PAX8: variants seen among roughly 807,000 people sequenced by gnomAD.
PAX8 encodes the protein paired box 8.
In PAX8, 15 loss-of-function variants were observed where a neutral mutation model predicts 52.4. The ratio of observed to expected loss-of-function variants is 0.29; its 90% CI spans 0.19 to 0.44. The LOEUF (loss-of-function observed/expected upper bound fraction) is 0.44, where lower values mean the gene tolerates loss of function less well. Among genes scored for constraint, PAX8 ranks in the 20% least tolerant of loss-of-function variants. PAX8 has a pLI of 1.00. For missense variants in PAX8, 554 were observed against 602.5 expected (o/e 0.92, Z 0.84); for synonymous variants, 284 against 249.7 (o/e 1.14, Z -1.29).
chr2:113,261,201 CA>C (rs1227989613), intron 2 of PAX8, among the ~76,000 whole-genome samples: 3 of 152,060 alleles, frequency 2.0e-5, no homozygotes, highest in African/African-American at 7.2e-5. Flanking sequence ...GGAGAGGAAA[CA>C]GGGGGTGCTG....
chr2:113,266,336 C>CTG (rs1192570401), intron 2 of PAX8: 1 of 152,196 alleles, frequency 6.6e-6, no homozygotes. Flanking sequence ...ACCAGCCTTT[C>CTG]TGTGTGTGTC....
intron 2 of PAX8, chr2:113,267,384 A>G (rs2104587385): frequency 6.6e-6 from 1 of 152,278 alleles, no homozygotes; most frequent in Admixed American, 6.5e-5. Context: ...CTGCCCCTGG[A>G]TCTTATGTGA....
At chr2:113,277,731 G>A (rs1027971870) in intron 2 of PAX8, among the ~76,000 whole-genome samples, 1 of 152,214 alleles carries the variant, frequency 6.6e-6, no homozygotes, top group Non-Finnish European at 1.5e-5. Flanking sequence ...TGAAGGCCCT[G>A]CTTCCGGGCG....
intron 2 of PAX8, among the ~76,000 whole-genome samples, chr2:113,265,215 C>T (rs1261527842): frequency 1.3e-5 from 2 of 152,134 alleles, no homozygotes; most frequent in Non-Finnish European, 2.9e-5. Flanking sequence ...AAGACAACAG[C>T]GTCAGTAGGT....
chr2:113,235,822 G>A (rs984963536), intron 8 of PAX8: 21 of 523,234 alleles, frequency 4.0e-5, no homozygotes, highest in Non-Finnish European at 3.4e-6. Context: ...AGGCGTGTGT[G>A]CGCCCGCCTC....
At chr2:113,220,018 C>T in intron 11 of PAX8, 74 bp downstream of exon 11, 2 of 1,103,782 alleles carry the variant, frequency 1.8e-6, no homozygotes, top group Non-Finnish European at 2.7e-6. Context: ...TTCAGGTAAC[C>T]TTTGACCCAC....
chr2:113,224,791 AAAAATAAAAT>A (rs869195294), intron 10 of PAX8, among the ~76,000 whole-genome samples: 6 of 151,024 alleles, frequency 4.0e-5, no homozygotes, highest in Admixed American at 6.6e-5. Flanking sequence ...AGTCAAAACA[AAAAATAAAAT>A]AAAATAAAAT....
chr2:113,236,722 C>A lies in PAX8; in HGVS notation c.778-1G>T. On this transcript the variant is annotated splice_acceptor_variant, in intron 7 of 11. Transcript: ENST00000429538. LOFTEE classifies it high-confidence loss of function. ...TGAGCAAGGGCAGCGGGTAGAGGCC[C>A]TGGGGAGCAAAGAGAAGTCAGCGCA... The A allele has an allele frequency of 6.4e-7, 1 of 1,560,498 alleles. No homozygotes were observed. The highest frequency in any genetic ancestry group is 8.7e-7 in the Non-Finnish European group (1 of 1,153,454).
intron 2 of PAX8, chr2:113,266,318 A>G (rs756318842): frequency 6.6e-6 from 1 of 152,234 alleles, no homozygotes; most frequent in Non-Finnish European, 1.5e-5. Context: ...GATGCTGAGT[A>G]AGAAAAGACC....
rs1353448396 is a variant in PAX8, at chr2:113,235,443, G to C, written c.1038C>G (p.Pro346=). The C allele has an allele frequency of 3.7e-6, 6 of 1,609,130 alleles. No individual in the cohort carries two copies. Among genetic ancestry groups the C allele is most frequent in the African/African-American group, 1.3e-5 (1 of 74,880 alleles). ...ACTGCCCGTACACGGAGGCAGCATG[G>C]GGAAAGGCATTGAAGGGCGGGACCC... ...GSGVPPFNAF[P]HAASVYGQFT... Residue 346 remains proline, a synonymous_variant, in exon 9 of 12, where the codon CCC becomes CCG. Transcript: ENST00000429538.
At position 113,218,533 on chromosome 2, in the gene PAX8, C is replaced by T; in HGVS notation, c.1353G>A (p.Ter451=). The change falls in exon 12 of 12, where the codon TAG becomes TAA. Residue 451 remains the stop codon, a stop_retained_variant. Transcript: ENST00000429538. ...PTTATAFDHL[*] ...GTCGCTCCCACTGTCCCCATGGCAA[C>T]TACAGATGGTCAAAGGCCGTGGCAG... The T allele has an allele frequency of 6.5e-7, 1 of 1,547,752 alleles. No individual in the cohort carries two copies. Among genetic ancestry groups the T allele is most frequent in the East Asian group, 2.4e-5 (1 of 41,058 alleles).
At position 113,278,457 on chromosome 2, in the gene PAX8, G is replaced by C; in HGVS notation, c.-63C>G. The C allele has an allele frequency of 2.5e-6, 4 of 1,604,394 alleles. No homozygotes were observed. On this transcript the variant is annotated 5_prime_UTR_variant, in exon 2 of 12. Coordinates refer to ENST00000429538, the MANE Select transcript of PAX8 (RefSeq NM_003466.4). ...GCTTCCTCCCGTAGGTCCGGGCCGC[G>C]CCTGCCGCTGCCCTGCACAAACCCA...
chr2:113,278,338 G>C (rs368616579), intron 2 of PAX8, 32 bp downstream of exon 2: 6 of 1,505,778 alleles, frequency 4.0e-6, no homozygotes, highest in African/African-American at 1.4e-5. Flanking sequence ...CGGCGCGGGG[G>C]CTCGGGGATC....
intron 2 of PAX8, among the ~76,000 whole-genome samples, chr2:113,253,218 A>T (rs961705444): frequency 5.9e-5 from 9 of 151,950 alleles, no homozygotes; most frequent in Non-Finnish European, 1.3e-4. Flanking sequence ...TTCTCCCTTC[A>T]GGCTTCTCTT....
intron 3 of PAX8, among the ~76,000 whole-genome samples, chr2:113,245,046 T>G (rs1691196866): frequency 9.5e-6 from 1 of 105,752 alleles, no homozygotes; most frequent in South Asian, 3.3e-4. Context: ...GTTTTTTTTG[T>G]TTTTTTTTTT....
At chr2:113,222,873 G>C (rs1329480141) in intron 10 of PAX8, among the ~76,000 whole-genome samples, 1 of 151,624 alleles carries the variant, frequency 6.6e-6, no homozygotes, top group African/African-American at 2.4e-5. Context: ...TGACCTTTTA[G>C]CTCATCCCTG....
chr2:113,278,166 C>T (rs1356245093), intron 2 of PAX8, among the ~76,000 whole-genome samples: 1 of 152,232 alleles, frequency 6.6e-6, no homozygotes, highest in Non-Finnish European at 1.5e-5. Flanking sequence ...AAGGGCGGCT[C>T]AGCTGGCCGG....
intron 9 of PAX8, among the ~76,000 whole-genome samples, chr2:113,229,427 AG>A: frequency 6.6e-6 from 1 of 152,274 alleles, no homozygotes; most frequent in Non-Finnish European, 1.5e-5. Context: ...GAACTCCTAC[AG>A]AATAAAGAGC....
chr2:113,218,559 T>C lies in PAX8; in HGVS notation c.1327A>G (p.Thr443Ala). The change falls in exon 12 of 12, where the codon ACT becomes GCT. Residue 443 changes from threonine (T) to alanine (A), a missense_variant. Transcript: ENST00000429538. ...STSRPSAPPT[T>A]ATAFDHL is the part of the protein sequence containing the mutation. ...TACAGATGGTCAAAGGCCGTGGCAG[T>C]GGTGGGCGGTGCACTCGGCCTTGAT... is the stretch of plus-strand genomic sequence containing the variant. 1 of 1,558,168 alleles carries C rather than the reference T, an allele frequency of 6.4e-7. No individual in the cohort carries two copies. The highest frequency in any genetic ancestry group is 1.2e-5 in the South Asian group (1 of 84,202).
Sources: allele counts gnomAD v4.1 joint callset (sites outside exome capture counted in the v4.1 genomes callset), GRCh38; gene constraint gnomAD v4.1.1; transcripts MANE v1.5; gene names NCBI Gene and HGNC (gene_info 2026-07-23, HGNC 2026-07-21).